Variants in NELL1 observed in about 807,000 individuals in gnomAD.
NELL1 encodes neural EGFL like 1.
A neutral mutation model predicts 107.4 loss-of-function variants in NELL1; 76 were observed. That is an observed-to-expected ratio of 0.71 (90% CI 0.59 to 0.86). The LOEUF is 0.86. Among genes scored for constraint, NELL1 ranks in the 40% least tolerant of loss-of-function variants. The probability of loss-of-function intolerance (pLI) is 0.00; values close to 1 mark genes in which losing one functional copy is unlikely to be tolerated. For missense variants in NELL1, 1,024 were observed against 1,005.5 expected (o/e 1.02, Z -0.25); for synonymous variants, 353 against 341.2 (o/e 1.03, Z -0.38).
intron 12 of NELL1, among the ~76,000 whole-genome samples, chr11:20,978,444 GCA>G (rs1255983777): frequency 1.3e-5 from 2 of 150,110 alleles, no homozygotes; most frequent in African/African-American, 4.9e-5. Flanking sequence ...GAAAAAAAAA[GCA>G]CACACACACA....
rs115679861 is a variant in NELL1, at chr11:20,673,563, G to A, written c.55+3785G>A. Among the ~76,000 whole-genome samples the A allele has an allele frequency of 9.7e-3, 1,484 of 152,322 alleles. 29 individuals are homozygous for A. The highest frequency in any genetic ancestry group is 0.033 in the African/African-American group (1,391 of 41,564). ...GGGCTGTGGGCCCGAGCATTCCCTGGGTGGGGGTGAGGAGCAGCCAATAGC... is the reference window on the plus strand; with the variant it reads ...GGGCTGTGGGCCCGAGCATTCCCTGAGTGGGGGTGAGGAGCAGCCAATAGC... On this transcript the variant is annotated intron_variant, in intron 1 of 19. Coordinates refer to ENST00000357134, the MANE Select transcript of NELL1 (RefSeq NM_006157.5).
At chr11:21,037,106 A>G (rs951100975) in intron 12 of NELL1, among the ~76,000 whole-genome samples, 1 of 152,070 alleles carries the variant, frequency 6.6e-6, no homozygotes, top group Non-Finnish European at 1.5e-5. Flanking sequence ...TTTAATAGAA[A>G]TTTCCACGGT....
intron 18 of NELL1, among the ~76,000 whole-genome samples, chr11:21,572,780 G>C (rs1218971321): frequency 2.0e-5 from 3 of 151,814 alleles, no homozygotes; most frequent in African/African-American, 7.3e-5. Flanking sequence ...TTATATACTA[G>C]ACAGTACCTT....
intron 2 of NELL1, among the ~76,000 whole-genome samples, chr11:20,776,969 T>G (rs1046809661): frequency 4.6e-5 from 7 of 152,234 alleles, no homozygotes; most frequent in African/African-American, 1.7e-4. Context: ...TCATAAGGGT[T>G]GTACAAATAG....
chr11:20,969,443 A>G (rs752158221), intron 12 of NELL1, among the ~76,000 whole-genome samples: 1 of 152,184 alleles, frequency 6.6e-6, no homozygotes, highest in Non-Finnish European at 1.5e-5. Context: ...CTTTATAATT[A>G]AGAGAGTCTT....
intron 14 of NELL1, among the ~76,000 whole-genome samples, chr11:21,299,559 GTGTGTT>G (rs1327740545): frequency 2.8e-5 from 3 of 107,672 alleles, no homozygotes; most frequent in African/African-American, 3.1e-5. Flanking sequence ...GTGTGTGTGT[GTGTGTT>G]TATTTTTTGG....
intron 13 of NELL1, among the ~76,000 whole-genome samples, chr11:21,221,785 C>CA (rs2133873458): frequency 6.6e-6 from 1 of 152,156 alleles, no homozygotes; most frequent in South Asian, 2.1e-4. Context: ...CTTGACCTCC[C>CA]AGGCTCAAGA....
intron 3 of NELL1, among the ~76,000 whole-genome samples, chr11:20,839,277 G>A (rs1474295731): frequency 1.3e-5 from 2 of 152,154 alleles, no homozygotes; most frequent in Non-Finnish European, 2.9e-5. Flanking sequence ...TTAACAGTGA[G>A]TGTTTTATTT....
intron 13 of NELL1, among the ~76,000 whole-genome samples, chr11:21,169,054 C>G (rs1856546831): frequency 6.6e-6 from 1 of 151,848 alleles, no homozygotes; most frequent in African/African-American, 2.4e-5. Flanking sequence ...TAATTCTTAT[C>G]AGAAACCCGG....
intron 14 of NELL1, among the ~76,000 whole-genome samples, chr11:21,245,722 GA>G (rs1858473366): frequency 6.6e-6 from 1 of 151,938 alleles, no homozygotes; most frequent in Non-Finnish European, 1.5e-5. Flanking sequence ...GTTCATTGAG[GA>G]AAACATGCAA....
At chr11:20,727,126 T>C (rs1275266856) in intron 2 of NELL1, among the ~76,000 whole-genome samples, 2 of 152,232 alleles carry the variant, frequency 1.3e-5, no homozygotes, top group African/African-American at 2.4e-5. Flanking sequence ...ATGGGATGGC[T>C]GGGTCAAATG....
chr11:21,013,394 G>A (rs1016640252), intron 12 of NELL1, among the ~76,000 whole-genome samples: 4 of 152,038 alleles, frequency 2.6e-5, no homozygotes, highest in Admixed American at 2.0e-4. Flanking sequence ...ATGGTTGAGA[G>A]GGGCCAATTT....
At chr11:20,765,885 T>A (rs1856519585) in intron 2 of NELL1, among the ~76,000 whole-genome samples, 1 of 152,224 alleles carries the variant, frequency 6.6e-6, no homozygotes, top group Admixed American at 6.5e-5. Context: ...TCCAGCAGTG[T>A]TAAGTATATT....
chr11:21,480,580 G>A (rs1000187698), intron 15 of NELL1, among the ~76,000 whole-genome samples: 11 of 152,286 alleles, frequency 7.2e-5, no homozygotes, highest in Admixed American at 2.6e-4. Context: ...TCTGCTTTAA[G>A]CTAAAATAGC....
At chr11:20,681,776 G>C (rs1284166946) in intron 2 of NELL1, among the ~76,000 whole-genome samples, 1 of 152,030 alleles carries the variant, frequency 6.6e-6, no homozygotes, top group Non-Finnish European at 1.5e-5. Flanking sequence ...GTTCTTTCTG[G>C]AAGCTCTACT....
At chr11:20,915,717 A>ATATATATATATATATATTTTT in intron 5 of NELL1, among the ~76,000 whole-genome samples, 94 of 58,202 alleles carry the variant, frequency 1.6e-3, no homozygotes, top group African/African-American at 3.7e-3. Context: ...ATATATATAT[A>ATATATATATATATATATTTTT]TTTTTTTTTT....
At chr11:20,708,562 A>G (rs746320850) in intron 2 of NELL1, among the ~76,000 whole-genome samples, 24 of 150,978 alleles carry the variant, frequency 1.6e-4, no homozygotes, top group Non-Finnish European at 2.8e-4. Flanking sequence ...TTACTTTTTG[A>G]TGGTATTATT....
At chr11:21,077,076 T>C (rs1854153992) in intron 12 of NELL1, among the ~76,000 whole-genome samples, 1 of 151,980 alleles carries the variant, frequency 6.6e-6, no homozygotes, top group South Asian at 2.1e-4. Flanking sequence ...ATTTTAAGTA[T>C]GGAAAGGGCA....
At chr11:20,709,118 C>A (rs1855048415) in intron 2 of NELL1, among the ~76,000 whole-genome samples, 1 of 151,914 alleles carries the variant, frequency 6.6e-6, no homozygotes, top group African/African-American at 2.4e-5. Context: ...GGGTTGGGGA[C>A]CCCTTGTCTC....
Sources: gnomAD v4.1 joint callset for allele counts (sites outside exome capture counted in the v4.1 genomes callset) on GRCh38, gnomAD v4.1.1 for gene constraint, MANE v1.5 for transcripts, NCBI Gene and HGNC (gene_info 2026-07-23, HGNC 2026-07-21) for gene names.